SYT1: variants seen among roughly 807,000 people sequenced by gnomAD.
SYT1 encodes synaptotagmin 1.
A neutral mutation model predicts 44.8 loss-of-function variants in SYT1; 8 were observed. The ratio of observed to expected loss-of-function variants is 0.18; its 90% CI spans 0.10 to 0.32. SYT1 has a LOEUF of 0.32. SYT1 is among the 10% of genes least tolerant of loss of function. The pLI, the probability that SYT1 is intolerant of heterozygous loss-of-function variation, is 1.00. For missense variants in SYT1, 286 were observed against 509.3 expected, an observed-to-expected ratio of 0.56 and a Z score of 4.22; for synonymous variants, 154 against 188.8, an observed-to-expected ratio of 0.82 and a Z score of 1.51.
chr12:79,400,249 T>G (rs1415793562), intron 9 of SYT1, among the ~76,000 whole-genome samples: 1 of 152,142 alleles, frequency 6.6e-6, no homozygotes, highest in Non-Finnish European at 1.5e-5. Flanking sequence ...CCATGGCAAG[T>G]CATTAAGTTG....
At chr12:79,299,332 G>GTT (rs906426313) in intron 7 of SYT1, 52 bp from the exon 8 acceptor site, 3 of 1,582,306 alleles carry the variant, frequency 1.9e-6, no homozygotes, top group Non-Finnish European at 2.6e-6. Context: ...CAAGTAACAT[G>GTT]TTTTAAGCAT....
intron 9 of SYT1, among the ~76,000 whole-genome samples, chr12:79,430,945 A>C (rs1361027068): frequency 1.3e-5 from 2 of 152,362 alleles, no homozygotes; most frequent in Non-Finnish European, 2.9e-5. Flanking sequence ...ACTGGCTGAA[A>C]GATAAATACC....
intron 1 of SYT1, among the ~76,000 whole-genome samples, chr12:78,923,705 C>CTG (rs1877138689): frequency 1.4e-5 from 2 of 146,230 alleles, no homozygotes; most frequent in Admixed American, 6.8e-5. Flanking sequence ...CTCTCTCTCT[C>CTG]TCTCTGTGTG....
At chr12:78,971,962 G>A (rs181091205) in intron 1 of SYT1, among the ~76,000 whole-genome samples, 5 of 152,190 alleles carry the variant, frequency 3.3e-5, no homozygotes, top group East Asian at 3.9e-4. Flanking sequence ...AATATTTCAG[G>A]AGGTTTGCAG....
chr12:79,041,190 A>G (rs1191266464), intron 2 of SYT1, among the ~76,000 whole-genome samples: 1 of 151,554 alleles, frequency 6.6e-6, no homozygotes, highest in Admixed American at 6.6e-5. Context: ...TGGGGATGGC[A>G]TTGAATCTGT....
At chr12:78,868,779 A>G (rs1320416248) in intron 1 of SYT1, 3 of 151,814 alleles carry the variant, frequency 2.0e-5, no homozygotes, top group Non-Finnish European at 4.4e-5. Flanking sequence ...GGGAATACTC[A>G]GAGATAATAT....
At chr12:79,355,665 A>G (rs1181026566) in intron 9 of SYT1, among the ~76,000 whole-genome samples, 1 of 152,136 alleles carries the variant, frequency 6.6e-6, no homozygotes, top group African/African-American at 2.4e-5. Context: ...TCTTTTGCAA[A>G]CAAACTATAC....
At chr12:79,312,748 G>T (rs1880871545) in intron 8 of SYT1, among the ~76,000 whole-genome samples, 4 of 138,512 alleles carry the variant, frequency 2.9e-5, no homozygotes, top group African/African-American at 2.7e-5. Flanking sequence ...TTCTTTTATT[G>T]TGTAATTCAC....
chr12:79,430,673 GCTA>G (rs1247372520), intron 9 of SYT1, among the ~76,000 whole-genome samples: 1 of 152,178 alleles, frequency 6.6e-6, no homozygotes, highest in African/African-American at 2.4e-5. Context: ...TGTAGTCCCA[GCTA>G]CTTGGGAGGC....
intron 1 of SYT1, among the ~76,000 whole-genome samples, chr12:78,907,940 G>A (rs1053575108): frequency 6.6e-6 from 1 of 151,958 alleles, no homozygotes; most frequent in South Asian, 2.1e-4. Flanking sequence ...CAGGTATATA[G>A]AGAAAAGTTT....
chr12:78,910,367 A>T (rs1459016071), intron 1 of SYT1, among the ~76,000 whole-genome samples: 3 of 151,986 alleles, frequency 2.0e-5, no homozygotes, highest in Admixed American at 1.3e-4. Context: ...GTTCCTAAAC[A>T]TTCAATTTCT....
At chr12:79,203,086 GA>G (rs11421664) in intron 3 of SYT1, among the ~76,000 whole-genome samples, 2 of 149,414 alleles carry the variant, frequency 1.3e-5, no homozygotes, top group South Asian at 2.1e-4. Flanking sequence ...TAAGCCTATG[GA>G]AAAAAAAATT....
intron 4 of SYT1, among the ~76,000 whole-genome samples, chr12:79,240,988 C>A (rs532587398): frequency 1.3e-5 from 2 of 152,184 alleles, no homozygotes; most frequent in Admixed American, 6.5e-5. Context: ...GTCTGGGCAA[C>A]ATAGCAAGAT....
chr12:78,911,293 C>T (rs974187288), intron 1 of SYT1, among the ~76,000 whole-genome samples: 1 of 151,706 alleles, frequency 6.6e-6, no homozygotes, highest in African/African-American at 2.4e-5. Context: ...GAAATAAATC[C>T]TAGGAGAGAT....
At position 79,428,941 on chromosome 12, in the gene SYT1, TCA is replaced by T. The variant is rs1218550883; in HGVS notation, c.929-15127_929-15126del. Among the ~76,000 whole-genome samples, 3 of 152,180 alleles carry T rather than the reference TCA, an allele frequency of 2.0e-5. No individual in the cohort carries two copies. The East Asian group carries it at 5.8e-4, about 30-fold the overall frequency. On this transcript the variant is annotated intron_variant, in intron 9 of 10. Coordinates refer to ENST00000261205, the MANE Select transcript of SYT1 (RefSeq NM_005639.3). ...TGTAGTAGAAGAAAGGGAGCAGGAA[TCA>T]CACAACAAGAGAAGGTGCAAGAGAG...
chr12:79,249,053 C>G (rs1485594570), intron 4 of SYT1, among the ~76,000 whole-genome samples: 1 of 143,708 alleles, frequency 7.0e-6, no homozygotes, highest in Non-Finnish European at 1.5e-5. Context: ...AGGGCAACCA[C>G]TATGCAAATT....
intron 3 of SYT1, among the ~76,000 whole-genome samples, chr12:79,098,695 A>G (rs1318251648): frequency 6.6e-6 from 1 of 152,146 alleles, no homozygotes; most frequent in Non-Finnish European, 1.5e-5. Context: ...CCAATCATAA[A>G]CATGTTGTAC....
At chr12:79,205,500 A>C (rs768525704) in intron 3 of SYT1, among the ~76,000 whole-genome samples, 11 of 152,204 alleles carry the variant, frequency 7.2e-5, no homozygotes, top group Non-Finnish European at 1.5e-4. Flanking sequence ...GTGGATTATC[A>C]GCAAAACAAT....
chr12:79,115,917 T>G (rs191704020), intron 3 of SYT1, among the ~76,000 whole-genome samples: 101 of 152,302 alleles, frequency 6.6e-4, no homozygotes, highest in African/African-American at 2.4e-3. Flanking sequence ...TGCAGTAAGT[T>G]CTCATAAAAT....
Sources: gnomAD v4.1 joint callset for allele counts (sites outside exome capture counted in the v4.1 genomes callset) on GRCh38, gnomAD v4.1.1 for gene constraint, MANE v1.5 for transcripts, NCBI Gene and HGNC (gene_info 2026-07-23, HGNC 2026-07-21) for gene names.